NXPE2: variants seen among roughly 807,000 people sequenced by gnomAD.
The protein encoded by NXPE2 is neurexophilin and PC-esterase domain family member 2, also known as NXPE family member 2.
A neutral mutation model predicts 34.4 loss-of-function variants in NXPE2; 34 were observed. The observed-to-expected ratio is 0.99, with a 90% CI of 0.75 to 1.31. The LOEUF (loss-of-function observed/expected upper bound fraction) is 1.31. Among genes scored for constraint, NXPE2 ranks in the 40% most tolerant of loss-of-function variants. The pLI is 0.00. For missense variants in NXPE2, 649 were observed against 672.5 expected, an observed-to-expected ratio of 0.97 and a Z score of 0.39; for synonymous variants, 235 against 231.3, an observed-to-expected ratio of 1.02 and a Z score of -0.15.
At chr11:114,536,470 C>CA in the NXPE2 span, among the ~76,000 whole-genome samples, 1 of 151,918 alleles carries the variant, frequency 6.6e-6, no homozygotes, top group South Asian at 2.1e-4. Context: ...AAAAACCCTT[C>CA]AAAAAAATCA....
chr11:114,639,810 T>TAATATAAAATATAATATATATTATATTA, the NXPE2 span, among the ~76,000 whole-genome samples: 12,144 of 77,608 alleles, frequency 0.16, 1,371 homozygotes, highest in Non-Finnish European at 0.2. Flanking sequence ...AAATATAAAA[T>TAATATAAAATATAATATATATTATATTA]AATATAAAAT....
At chr11:114,693,977 C>A (rs566136584) in intron 2 of NXPE2, among the ~76,000 whole-genome samples, 99 of 152,276 alleles carry the variant, frequency 6.5e-4, no homozygotes, top group African/African-American at 2.3e-3. Flanking sequence ...ATTAGCAGGG[C>A]TGCACTGCCT....
chr11:114,686,492 C>T (rs149299035), intron 2 of NXPE2, among the ~76,000 whole-genome samples: 1 of 151,992 alleles, frequency 6.6e-6, no homozygotes. Context: ...TGTATATGTA[C>T]CATATTTTCT....
the NXPE2 span, among the ~76,000 whole-genome samples, chr11:114,650,944 G>A: frequency 6.6e-6 from 1 of 152,094 alleles, no homozygotes; most frequent in Non-Finnish European, 1.5e-5. Context: ...ATGGCTGAGA[G>A]CACATCAGGA....
chr11:114,622,842 T>A, the NXPE2 span, among the ~76,000 whole-genome samples: 5 of 151,960 alleles, frequency 3.3e-5, no homozygotes, highest in Non-Finnish European at 7.4e-5. Flanking sequence ...GGATAGTAAG[T>A]ATTGCTTCAT....
At chr11:114,804,336 C>T in the NXPE2 span, among the ~76,000 whole-genome samples, 5 of 152,226 alleles carry the variant, frequency 3.3e-5, no homozygotes, top group African/African-American at 1.2e-4. Context: ...AGCCTTCACT[C>T]AGGAAACTGT....
the NXPE2 span, among the ~76,000 whole-genome samples, chr11:114,632,993 A>T: frequency 9.6e-6 from 1 of 103,658 alleles, no homozygotes; most frequent in African/African-American, 4.1e-5. Flanking sequence ...TTTTTATATA[A>T]TATATAATAA....
chr11:114,745,850 A>G, the NXPE2 span, among the ~76,000 whole-genome samples: 1 of 152,146 alleles, frequency 6.6e-6, no homozygotes, highest in South Asian at 2.1e-4. Context: ...TAATGTTACA[A>G]ATGTACTGTG....
chr11:114,604,511 A>G, the NXPE2 span, among the ~76,000 whole-genome samples: 1 of 151,906 alleles, frequency 6.6e-6, no homozygotes, highest in Non-Finnish European at 1.5e-5. Context: ...CTCTTGGGTA[A>G]CCACTGTTAC....
chr11:114,526,293 T>G, the NXPE2 span, among the ~76,000 whole-genome samples: 1 of 152,206 alleles, frequency 6.6e-6, no homozygotes, highest in Admixed American at 6.5e-5. Flanking sequence ...ATATTTTTGT[T>G]TTTTAAAGCC....
chr11:114,728,509 C>T, the NXPE2 span, among the ~76,000 whole-genome samples: 1 of 152,022 alleles, frequency 6.6e-6, no homozygotes, highest in Non-Finnish European at 1.5e-5. Flanking sequence ...AACCATGAAA[C>T]TCTTCTTAAT....
the NXPE2 span, among the ~76,000 whole-genome samples, chr11:114,483,928 A>G: frequency 6.6e-6 from 1 of 151,840 alleles, no homozygotes; most frequent in African/African-American, 2.4e-5. Context: ...CTGATGTGCA[A>G]CTCATGCTAC....
chr11:114,569,277 C>A, the NXPE2 span, among the ~76,000 whole-genome samples: 1 of 152,214 alleles, frequency 6.6e-6, no homozygotes, highest in East Asian at 1.9e-4. Flanking sequence ...TTCTCATATC[C>A]AACACTCTTT....
At chr11:114,600,386 C>T in the NXPE2 span, among the ~76,000 whole-genome samples, 5 of 152,210 alleles carry the variant, frequency 3.3e-5, no homozygotes, top group African/African-American at 1.2e-4. Flanking sequence ...GACCCATTTT[C>T]CTCATTCCTT....
the NXPE2 span, among the ~76,000 whole-genome samples, chr11:114,503,058 G>A: frequency 6.6e-6 from 1 of 152,096 alleles, no homozygotes; most frequent in Non-Finnish European, 1.5e-5. Context: ...TTTTGGCTAG[G>A]AGCTGCACTC....
At chr11:114,474,816 T>C in the NXPE2 span, among the ~76,000 whole-genome samples, 31 of 152,278 alleles carry the variant, frequency 2.0e-4, 1 homozygote, top group South Asian at 1.2e-3. Context: ...GAATAAAGAA[T>C]TGAGGCAGTC....
chr11:114,810,172 C>A, the NXPE2 span, among the ~76,000 whole-genome samples: 2 of 145,718 alleles, frequency 1.4e-5, no homozygotes, highest in South Asian at 4.5e-4. Flanking sequence ...CTTCCTTACA[C>A]CTTATACAAA....
chr11:114,525,650 C>T, the NXPE2 span, among the ~76,000 whole-genome samples: 1 of 152,202 alleles, frequency 6.6e-6, no homozygotes, highest in Non-Finnish European at 1.5e-5. Flanking sequence ...GTGAAGGTCA[C>T]AACATATGCC....
At chr11:114,488,903 A>G in the NXPE2 span, among the ~76,000 whole-genome samples, 1 of 152,126 alleles carries the variant, frequency 6.6e-6, no homozygotes, top group Non-Finnish European at 1.5e-5. Flanking sequence ...CCCTTCAAAA[A>G]ATCAATGAAT....
Sources: allele counts gnomAD v4.1 joint callset (sites outside exome capture counted in the v4.1 genomes callset), GRCh38; gene constraint gnomAD v4.1.1; transcripts MANE v1.5; gene names NCBI Gene and HGNC (gene_info 2026-07-23, HGNC 2026-07-21).